CNTNAP2: variants seen among roughly 807,000 people sequenced by gnomAD.
The protein encoded by CNTNAP2 is contactin-associated protein-like 2.
Under a neutral mutation model 155.2 loss-of-function variants are expected in CNTNAP2, and 98 were observed. That is an observed-to-expected ratio of 0.63 (90% confidence interval 0.54 to 0.75). CNTNAP2 has a LOEUF of 0.75. Among genes scored for constraint, CNTNAP2 ranks in the 30% least tolerant of loss-of-function variants. The pLI, the probability that CNTNAP2 is intolerant of heterozygous loss-of-function variation, is 0.00. For synonymous variants in CNTNAP2, 651 were observed against 631.2 expected (o/e 1.03, Z -0.47); for missense variants, 1,727 against 1,688.1 (o/e 1.02, Z -0.40).
intron 1 of CNTNAP2, among the ~76,000 whole-genome samples, chr7:146,660,162 A>G (rs560812717): frequency 6.6e-6 from 1 of 152,362 alleles, no homozygotes; most frequent in African/African-American, 2.4e-5. Context: ...ATATTCATTT[A>G]TTATGTAAGT....
chr7:146,526,627 G>A (rs1797695358), intron 1 of CNTNAP2, among the ~76,000 whole-genome samples: 1 of 152,094 alleles, frequency 6.6e-6, no homozygotes, highest in East Asian at 1.9e-4. Flanking sequence ...CCAACACTGA[G>A]GATTACAATT....
At chr7:147,119,059 C>T (rs1801047032) in intron 5 of CNTNAP2, among the ~76,000 whole-genome samples, 1 of 152,024 alleles carries the variant, frequency 6.6e-6, no homozygotes, top group Non-Finnish European at 1.5e-5. Flanking sequence ...GGAGAGTAAC[C>T]AGAAACAAAA....
intron 9 of CNTNAP2, among the ~76,000 whole-genome samples, chr7:147,368,684 G>A (rs1796288694): frequency 6.6e-6 from 1 of 152,124 alleles, no homozygotes. Context: ...ATTAAAATAA[G>A]GGCATGCATG....
At chr7:147,532,511 C>T (rs1002360746) in intron 11 of CNTNAP2, among the ~76,000 whole-genome samples, 2 of 152,204 alleles carry the variant, frequency 1.3e-5, no homozygotes, top group African/African-American at 2.4e-5. Flanking sequence ...CAAACTGTTC[C>T]AGCCTCTGCC....
chr7:147,368,020 C>G (rs1468533606), intron 9 of CNTNAP2, among the ~76,000 whole-genome samples: 2 of 87,286 alleles, frequency 2.3e-5, no homozygotes, highest in South Asian at 6.6e-4. Context: ...CTCTCCCCCC[C>G]CTCCCCCTCC....
intron 1 of CNTNAP2, among the ~76,000 whole-genome samples, chr7:146,655,786 T>C (rs1799987174): frequency 6.6e-6 from 1 of 152,220 alleles, no homozygotes; most frequent in South Asian, 2.1e-4. Flanking sequence ...GAAAACTCTC[T>C]CTTATGAATG....
chr7:146,573,998 CTT>C (rs1798482548), intron 1 of CNTNAP2, among the ~76,000 whole-genome samples: 1 of 152,072 alleles, frequency 6.6e-6, no homozygotes, highest in African/African-American at 2.4e-5. Context: ...TATCTGGAAA[CTT>C]TGTTTCTGGA....
At chr7:147,528,010 G>A (rs1214243572) in intron 11 of CNTNAP2, among the ~76,000 whole-genome samples, 1 of 152,174 alleles carries the variant, frequency 6.6e-6, no homozygotes, top group African/African-American at 2.4e-5. Context: ...CTTTTGGTAC[G>A]TGGGGATGCT....
At chr7:146,952,665 AC>A (rs1797344364) in intron 3 of CNTNAP2, among the ~76,000 whole-genome samples, 4 of 152,090 alleles carry the variant, frequency 2.6e-5, no homozygotes, top group African/African-American at 9.7e-5. Flanking sequence ...TCATGAGTGA[AC>A]TCCCATTCAC....
At chr7:148,222,419 C>G (rs1293369654) in intron 19 of CNTNAP2, among the ~76,000 whole-genome samples, 2 of 152,112 alleles carry the variant, frequency 1.3e-5, no homozygotes, top group Admixed American at 6.5e-5. Flanking sequence ...CCAGCTCAGG[C>G]CTCTCTTCCT....
intron 3 of CNTNAP2, among the ~76,000 whole-genome samples, chr7:147,004,212 C>CAAAAAAAAAAA (rs71525979): frequency 9.2e-5 from 9 of 97,722 alleles, no homozygotes; most frequent in East Asian, 3.1e-4. Context: ...ACTCATATAC[C>CAAAAAAAAAAA]AAAAAAAAAA....
intron 3 of CNTNAP2, among the ~76,000 whole-genome samples, chr7:146,920,247 C>G (rs55873221): frequency 0.01 from 1,556 of 152,108 alleles, 25 homozygotes; most frequent in African/African-American, 0.036. Context: ...AACTCCATCT[C>G]TACTAAAAAT....
intron 8 of CNTNAP2, among the ~76,000 whole-genome samples, chr7:147,221,463 G>A (rs914287960): frequency 1.3e-5 from 2 of 151,944 alleles, no homozygotes; most frequent in African/African-American, 2.4e-5. Context: ...TGAGAGTGCC[G>A]TCCCATTGCA....
chr7:146,204,862 A>T (rs1453521483), intron 1 of CNTNAP2, among the ~76,000 whole-genome samples: 1 of 152,022 alleles, frequency 6.6e-6, no homozygotes, highest in Non-Finnish European at 1.5e-5. Context: ...CAGGCAATGT[A>T]AGGAGTGCCA....
intron 13 of CNTNAP2, among the ~76,000 whole-genome samples, chr7:147,894,483 G>A (rs1799744373): frequency 6.6e-6 from 1 of 152,172 alleles, no homozygotes; most frequent in Non-Finnish European, 1.5e-5. Flanking sequence ...GGGAACAATA[G>A]TGAAAAGCGT....
intron 1 of CNTNAP2, among the ~76,000 whole-genome samples, chr7:146,630,081 G>A (rs1055207871): frequency 6.6e-6 from 1 of 151,780 alleles, no homozygotes; most frequent in Non-Finnish European, 1.5e-5. Flanking sequence ...CCGTCATCTA[G>A]GTTTTAAGCC....
intron 11 of CNTNAP2, chr7:147,496,798 A>T (rs887909469): frequency 6.0e-5 from 9 of 149,858 alleles, no homozygotes; most frequent in Non-Finnish European, 1.2e-4. Context: ...TTTATTTTTT[A>T]TTTTTTTTTA....
At chr7:147,026,607 A>G (rs1243942192) in intron 3 of CNTNAP2, among the ~76,000 whole-genome samples, 1 of 151,126 alleles carries the variant, frequency 6.6e-6, no homozygotes, top group Non-Finnish European at 1.5e-5. Context: ...TTTTTCTGTT[A>G]GAGATTTTCT....
Position 147,132,390 on chromosome 7 carries a change from T to C in CNTNAP2, c.1229T>C (p.Leu410Pro), listed in dbSNP as rs1309231765. Residue 410 changes from leucine (L) to proline (P), a missense_variant, in exon 8 of 24, where the codon CTG becomes CCG. Transcript: ENST00000361727. ...QFRTWNPNGL[L>P]VFSHFADNLG... ...AGGACATGGAACCCCAATGGTCTCC[T>C]GGTCTTCAGTCACTTTGCGGATAAT... 1 of 1,613,760 alleles carries C rather than the reference T, an allele frequency of 6.2e-7. No individual in the cohort carries two copies. Among genetic ancestry groups the C allele is most frequent in the Non-Finnish European group, 8.5e-7 (1 of 1,179,802 alleles).
Sources: allele counts gnomAD v4.1 joint callset (sites outside exome capture counted in the v4.1 genomes callset), GRCh38; gene constraint gnomAD v4.1.1; transcripts MANE v1.5; gene names NCBI Gene and HGNC (gene_info 2026-07-23, HGNC 2026-07-21).